Variants in PHLPP1 observed in about 807,000 individuals in gnomAD.
PHLPP1 encodes PH domain leucine-rich repeat-containing protein phosphatase 1.
PHLPP1 carries 42 observed loss-of-function variants against 117.2 expected under a neutral mutation model. The ratio of observed to expected loss-of-function variants is 0.36; its 90% CI spans 0.28 to 0.46. The LOEUF is 0.46. Ranked by LOEUF, PHLPP1 falls within the 20% of genes least tolerant of loss-of-function variation. The pLI is 1.00. For missense variants in PHLPP1, 2,084 were observed against 2,241.9 expected (o/e 0.93, Z 1.42); for synonymous variants, 1,042 against 970.7 (o/e 1.07, Z -1.37).
chr18:62,829,944 C>T, intron 1 of PHLPP1, 91 bp from the exon 2 acceptor site: 10 of 788,794 alleles, frequency 1.3e-5, no homozygotes, highest in South Asian at 5.2e-5. Context: ...TGAATTATTC[C>T]CTTGTTGTCC....
intron 6 of PHLPP1, among the ~76,000 whole-genome samples, chr18:62,900,346 A>C (rs1017202762): frequency 4.1e-5 from 5 of 120,784 alleles, no homozygotes; most frequent in Non-Finnish European, 9.2e-5. Flanking sequence ...TAAATAAATA[A>C]ATAAAAAGTT....
intron 14 of PHLPP1, among the ~76,000 whole-genome samples, chr18:62,970,325 C>T (rs1911017023): frequency 6.6e-6 from 1 of 152,116 alleles, no homozygotes; most frequent in African/African-American, 2.4e-5. Context: ...GTTATTTTTA[C>T]TTTAGTTATT....
At chr18:62,891,209 T>G (rs1032463609) in intron 4 of PHLPP1, among the ~76,000 whole-genome samples, 2 of 152,242 alleles carry the variant, frequency 1.3e-5, no homozygotes, top group Non-Finnish European at 2.9e-5. Context: ...TTTCAGGACT[T>G]CTTTGCTCTC....
intron 13 of PHLPP1, 109 bp from the exon 14 acceptor site, chr18:62,963,259 G>GT: frequency 1.5e-6 from 1 of 669,932 alleles, no homozygotes. Context: ...GTAAGAAATG[G>GT]TAAGTACAGA....
intron 1 of PHLPP1, among the ~76,000 whole-genome samples, chr18:62,787,683 G>A (rs1913334574): frequency 6.6e-6 from 1 of 152,144 alleles, no homozygotes; most frequent in Non-Finnish European, 1.5e-5. Context: ...TTTCTCCAAA[G>A]CATTTAGTTT....
chr18:62,802,239 G>A (rs1247785713), intron 1 of PHLPP1, among the ~76,000 whole-genome samples: 1 of 152,190 alleles, frequency 6.6e-6, no homozygotes, highest in Non-Finnish European at 1.5e-5. Context: ...AGAAAGGGAG[G>A]AGCATGGAGT....
At chr18:62,742,915 C>T (rs1382247559) in intron 1 of PHLPP1, among the ~76,000 whole-genome samples, 1 of 152,158 alleles carries the variant, frequency 6.6e-6, no homozygotes. Flanking sequence ...TGCTGAACAT[C>T]AAGGATGTTT....
intron 1 of PHLPP1, among the ~76,000 whole-genome samples, chr18:62,828,685 T>G (rs1914675276): frequency 6.6e-6 from 1 of 152,232 alleles, no homozygotes; most frequent in South Asian, 2.1e-4. Flanking sequence ...GCTGTTGTTC[T>G]TCCTGTTCCC....
At chr18:62,776,033 C>A (rs149744444) in intron 1 of PHLPP1, among the ~76,000 whole-genome samples, 1 of 151,896 alleles carries the variant, frequency 6.6e-6, no homozygotes, top group Non-Finnish European at 1.5e-5. Flanking sequence ...TATGTCTATA[C>A]ATAGGCATAG....
At position 62,895,879 on chromosome 18, in the gene PHLPP1, A is replaced by C; in HGVS notation, c.2312A>C (p.Glu771Ala). The part of the protein sequence containing the change: ...QLSYLGLSFN[E>A]FTDIPEVLEK... Reference sequence around the variant, plus strand: ...AGTTATCTGGGTCTTTCTTTCAATGAATTTACTGACATTCCCGAAGTATTG... The same window carrying C: ...AGTTATCTGGGTCTTTCTTTCAATGCATTTACTGACATTCCCGAAGTATTG... Residue 771 changes from glutamate (E) to alanine (A), a missense_variant, in exon 6 of 17, where the codon GAA (glutamate) becomes GCA (alanine). Around this residue, in one of 2 missense-constraint regions of PHLPP1, gnomAD observed 1,365 missense variants for 1,605.9 expected, o/e 0.85. Transcript: ENST00000262719. The C allele has an allele frequency of 6.2e-7, 1 of 1,613,134 alleles. No individual in the cohort carries two copies. Among genetic ancestry groups the C allele is most frequent in the Middle Eastern group, 1.7e-4 (1 of 6,060 alleles).
intron 2 of PHLPP1, among the ~76,000 whole-genome samples, chr18:62,836,077 G>A (rs183072400): frequency 9.9e-5 from 15 of 151,726 alleles, no homozygotes; most frequent in Non-Finnish European, 1.5e-4. Context: ...CACCGTGCCC[G>A]GCCTTGTTCT....
intron 1 of PHLPP1, among the ~76,000 whole-genome samples, chr18:62,759,654 A>AGG (rs1912149759): frequency 6.6e-6 from 1 of 152,246 alleles, no homozygotes; most frequent in Non-Finnish European, 1.5e-5. Context: ...AGGACTAATA[A>AGG]CGAAATGACT....
chr18:62,776,270 C>G (rs1398313141), intron 1 of PHLPP1, among the ~76,000 whole-genome samples: 1 of 152,134 alleles, frequency 6.6e-6, no homozygotes, highest in Admixed American at 6.5e-5. Context: ...AGTCTAAAAT[C>G]TGTAGGGCAG....
chr18:62,729,148 C>T (rs901013683), intron 1 of PHLPP1, among the ~76,000 whole-genome samples: 2 of 152,154 alleles, frequency 1.3e-5, no homozygotes, highest in Admixed American at 1.3e-4. Flanking sequence ...ATTAGAACAT[C>T]TGCCATCTTT....
intron 1 of PHLPP1, among the ~76,000 whole-genome samples, chr18:62,766,104 A>ATATATATATATATATATAT (rs1289379653): frequency 2.7e-4 from 11 of 40,958 alleles, no homozygotes; most frequent in Non-Finnish European, 5.0e-4. Flanking sequence ...TATATATATA[A>ATATATATATATATATATAT]AATATATATA....
rs371009766 is a variant in PHLPP1 at position 62,978,774 on chromosome 18, G to T, written c.4497G>T (p.Pro1499=). 6.2e-7 allele frequency: 1 copy of T among 1,612,582 alleles called. No homozygotes were observed. The highest frequency in any genetic ancestry group is 8.5e-7 in the Non-Finnish European group (1 of 1,179,554). ...GGTCAACAGCCTCCGATGAGCCCCC[G>T]CCCGGAGCCCTAAGCGAGAACAGCC... ...EVGSTASDEP[P]PGALSENSPA... Residue 1499 remains proline, a synonymous_variant, in exon 17 of 17, where the codon CCG becomes CCT. Coordinates refer to ENST00000262719, the MANE Select transcript of PHLPP1 (RefSeq NM_194449.4). This position sits in a 1 kb window ranked among gnomAD's most constrained non-coding sequence, Gnocchi z 7.0.
chr18:62,818,268 C>T (rs1047887063), intron 1 of PHLPP1, among the ~76,000 whole-genome samples: 11 of 152,244 alleles, frequency 7.2e-5, no homozygotes, highest in Middle Eastern at 3.4e-3. Flanking sequence ...CAGTGGCTCA[C>T]GCCTGTAATC....
chr18:62,814,275 C>T (rs910971002), intron 1 of PHLPP1, among the ~76,000 whole-genome samples: 2 of 152,172 alleles, frequency 1.3e-5, no homozygotes, highest in African/African-American at 4.8e-5. Flanking sequence ...TATTTAGCAG[C>T]TGGTTGTCAT....
chr18:62,826,504 A>G lies in PHLPP1; in HGVS notation c.1577-3531A>G, dbSNP rs113780659. Reference sequence around the variant, plus strand: ...TACATTTTTAGAGGTTTTGCTTTATATGGTTTTTGGACTACATTTTTATAG... The same window carrying G: ...TACATTTTTAGAGGTTTTGCTTTATGTGGTTTTTGGACTACATTTTTATAG... On this transcript the variant is annotated intron_variant, in intron 1 of 16. Coordinates refer to ENST00000262719, the MANE Select transcript of PHLPP1 (RefSeq NM_194449.4). Among the ~76,000 whole-genome samples, 1,422 of 152,244 alleles carry G rather than the reference A, an allele frequency of 9.3e-3. 27 individuals are homozygous for G. The highest frequency in any genetic ancestry group is 0.033 in the African/African-American group (1,360 of 41,552).
Sources: allele counts gnomAD v4.1 joint callset (sites outside exome capture counted in the v4.1 genomes callset), GRCh38; gene constraint gnomAD v4.1.1; regional missense constraint gnomAD v4.1.1; non-coding constraint Gnocchi (gnomAD v3.1); transcripts MANE v1.5; gene names NCBI Gene and HGNC (gene_info 2026-07-23, HGNC 2026-07-21).